EML5: variants seen among roughly 807,000 people sequenced by gnomAD.
The protein encoded by EML5 is echinoderm microtubule-associated protein-like 5.
EML5 carries 120 observed loss-of-function variants against 250.0 expected under a neutral mutation model. That is an observed-to-expected ratio of 0.48 (90% CI 0.41 to 0.56). The LOEUF is 0.56. Ranked by LOEUF, EML5 falls within the 20% of genes least tolerant of loss-of-function variation. The pLI, the probability that EML5 is intolerant of heterozygous loss-of-function variation, is 0.00. For synonymous variants in EML5, 771 were observed against 806.5 expected, an observed-to-expected ratio of 0.96 and a Z score of 0.75; for missense variants, 2,006 against 2,437.6, an observed-to-expected ratio of 0.82 and a Z score of 3.73.
At chr14:88,704,490 C>T (rs1413765780) in intron 13 of EML5, among the ~76,000 whole-genome samples, 8 of 152,058 alleles carry the variant, frequency 5.3e-5, no homozygotes, top group Non-Finnish European at 2.9e-5. Flanking sequence ...CTATTATCTC[C>T]ATTTTACAGA....
intron 10 of EML5, among the ~76,000 whole-genome samples, chr14:88,708,813 T>C (rs936085825): frequency 3.9e-5 from 6 of 152,100 alleles, no homozygotes; most frequent in African/African-American, 9.7e-5. Flanking sequence ...CTTTTGATTA[T>C]GAAAACTATG....
At chr14:88,774,821 C>A (rs2094431820) in intron 1 of EML5, among the ~76,000 whole-genome samples, 1 of 152,158 alleles carries the variant, frequency 6.6e-6, no homozygotes, top group South Asian at 2.1e-4. Context: ...TGATAACATT[C>A]AAATCTATAC....
intron 41 of EML5, chr14:88,618,022 C>A (rs1045601026): frequency 1.7e-4 from 51 of 300,506 alleles, no homozygotes; most frequent in Middle Eastern, 9.4e-4. Flanking sequence ...AAAAAAAAAA[C>A]TTGATAAATC....
intron 1 of EML5, among the ~76,000 whole-genome samples, chr14:88,756,340 T>C (rs986824696): frequency 6.6e-6 from 1 of 152,154 alleles, no homozygotes; most frequent in African/African-American, 2.4e-5. Context: ...AACTAGAAAC[T>C]GAAGGAAACT....
intron 13 of EML5, among the ~76,000 whole-genome samples, chr14:88,703,338 G>A (rs1324073557): frequency 3.3e-5 from 5 of 152,092 alleles, no homozygotes; most frequent in Non-Finnish European, 4.4e-5. Flanking sequence ...ATGATGGCTG[G>A]GAGGGCAGAG....
In EML5 at chr14:88,665,506, A is replaced by G. The variant is rs552183834; in HGVS notation, c.3125-17T>C. On this transcript the variant is annotated splice_polypyrimidine_tract_variant and intron_variant, in intron 21 of 43. Coordinates refer to ENST00000554922, the MANE Select transcript of EML5 (RefSeq NM_183387.3). Reference sequence around the variant, plus strand: ...ACCTCCCACCTGAAAGAGAAAGAGCATATTAGGCAATTTTCCCTTTTTTCT... The same window carrying G: ...ACCTCCCACCTGAAAGAGAAAGAGCGTATTAGGCAATTTTCCCTTTTTTCT... The G allele has an allele frequency of 1.3e-4, 210 of 1,613,074 alleles. 2 individuals carry two copies. In the South Asian group the frequency reaches 2.2e-3, roughly 17 times the overall value.
intron 27 of EML5, among the ~76,000 whole-genome samples, chr14:88,653,131 T>C (rs1052128125): frequency 1.1e-4 from 17 of 152,292 alleles, no homozygotes; most frequent in African/African-American, 4.1e-4. Flanking sequence ...CTTGTGATTT[T>C]TGCACATTTA....
intron 2 of EML5, among the ~76,000 whole-genome samples, chr14:88,752,497 A>G (rs535957490): frequency 3.4e-4 from 51 of 152,200 alleles, no homozygotes; most frequent in Non-Finnish European, 6.5e-4. Context: ...GCAATTGCCA[A>G]ACACTGCTAT....
intron 6 of EML5, among the ~76,000 whole-genome samples, chr14:88,737,616 C>T (rs2093863726): frequency 6.6e-6 from 1 of 152,204 alleles, no homozygotes; most frequent in Non-Finnish European, 1.5e-5. Context: ...TAATTTTGTA[C>T]CTTTTATATC....
At position 88,726,826 on chromosome 14, in the gene EML5, TG is replaced by T. The variant is rs2093673159; in HGVS notation, c.1050-149del. ...GGCAAGAAATTCTTATCTATGAAAA[TG>T]GGAATTGTTCATGCTTAAATGACAG... On this transcript the variant is annotated intron_variant, in intron 7 of 43. Transcript: ENST00000554922. The T allele has an allele frequency of 4.5e-6, 3 of 671,962 alleles. No individual in the cohort carries two copies. In the East Asian group the frequency reaches 8.6e-5, roughly 19 times the overall value. 41.6% of individuals were successfully genotyped at this position (671,962 alleles called of 1,614,324 possible).
intron 32 of EML5, among the ~76,000 whole-genome samples, chr14:88,636,585 C>T (rs371224280): frequency 6.6e-6 from 1 of 152,066 alleles, no homozygotes; most frequent in African/African-American, 2.4e-5. Flanking sequence ...GGCGTGAACC[C>T]GGGAGGTGGG....
In EML5 at chr14:88,665,446, G is replaced by T. The variant is rs749040657; in HGVS notation, c.3168C>A (p.Ala1056=). 1 of 1,613,890 alleles carries T rather than the reference G, an allele frequency of 6.2e-7. No homozygotes were observed. Among genetic ancestry groups the T allele is most frequent in the Non-Finnish European group, 8.5e-7 (1 of 1,179,858 alleles). ...CCFSPDGKAL[A]VGLNDGSFLM... is the part of the protein sequence containing the mutation. ...AGAAGCTTCCATCGTTGAGACCTACGGCTAAAGCTTTACCATCAGGAGAAA... is the reference window on the plus strand; with the variant it reads ...AGAAGCTTCCATCGTTGAGACCTACTGCTAAAGCTTTACCATCAGGAGAAA... Residue 1056 remains alanine, a synonymous_variant, in exon 22 of 44, where the codon GCC becomes GCA. Transcript: ENST00000554922.
intron 2 of EML5, among the ~76,000 whole-genome samples, chr14:88,750,002 G>T (rs1032566204): frequency 3.3e-5 from 5 of 152,146 alleles, no homozygotes; most frequent in Non-Finnish European, 7.4e-5. Context: ...AGTTTTACTG[G>T]AATATAGCCA....
chr14:88,705,028 A>G (rs762162498), intron 12 of EML5, 50 bp from the exon 13 acceptor site: 1 of 1,268,338 alleles, frequency 7.9e-7, no homozygotes, highest in South Asian at 1.3e-5. Context: ...ATACTAATAA[A>G]GGTGTTCGTA....
chr14:88,759,173 G>C (rs1338772760), intron 1 of EML5, among the ~76,000 whole-genome samples: 3 of 144,964 alleles, frequency 2.1e-5, no homozygotes, highest in African/African-American at 8.2e-5. Context: ...TTTTTAAAAA[G>C]TGAAAAAAAA....
At position 88,618,243 on chromosome 14, in the gene EML5, C is replaced by G. The variant is rs1323178649; in HGVS notation, c.5627G>C (p.Trp1876Ser). Reference sequence around the variant, plus strand: ...AAGTATTTACCTAGTCCATGTAGCCCAAGTAATTCTGTCAATAGCGGCATG... The same window carrying G: ...AAGTATTTACCTAGTCCATGTAGCCGAAGTAATTCTGTCAATAGCGGCATG... Reference protein sequence around the residue: ...MDHAAIDRITWATWTSILGDE... With the variant: ...MDHAAIDRITSATWTSILGDE... The change falls in exon 41 of 44, where the codon TGG becomes TCG. Residue 1876 changes from tryptophan to serine, a missense_variant. By Grantham distance (177) the Trp-to-Ser change is radical. This residue lies in a region of EML5 where 405 missense variants were observed against 523.3 expected (regional missense o/e 0.77). Coordinates refer to ENST00000554922, the MANE Select transcript of EML5 (RefSeq NM_183387.3). 1 of 1,613,636 alleles carries G rather than the reference C, an allele frequency of 6.2e-7. No individual in the cohort carries two copies.
At chr14:88,729,372 C>A (rs1204042505) in intron 7 of EML5, among the ~76,000 whole-genome samples, 1 of 152,130 alleles carries the variant, frequency 6.6e-6, no homozygotes, top group Non-Finnish European at 1.5e-5. Flanking sequence ...CAAACCATGT[C>A]CTGTGGGCCA....
chr14:88,783,886 T>C (rs1441296316), intron 1 of EML5, among the ~76,000 whole-genome samples: 2 of 152,234 alleles, frequency 1.3e-5, no homozygotes, highest in Admixed American at 1.3e-4. Context: ...CATGGATTAT[T>C]CTCAAGGATA....
At chr14:88,630,891 G>A (rs1294798086) in intron 33 of EML5, among the ~76,000 whole-genome samples, 2 of 152,156 alleles carry the variant, frequency 1.3e-5, no homozygotes, top group Non-Finnish European at 2.9e-5. Context: ...CAGAAGAGAC[G>A]GAAAGTCCCT....
Sources: gnomAD v4.1 joint callset for allele counts (sites outside exome capture counted in the v4.1 genomes callset) on GRCh38, gnomAD v4.1.1 for gene constraint, gnomAD v4.1.1 regional missense constraint, MANE v1.5 for transcripts, NCBI Gene and HGNC (gene_info 2026-07-23, HGNC 2026-07-21) for gene names.